Variants in ZDHHC14 observed in about 807,000 individuals in gnomAD.
ZDHHC14 encodes the protein zDHHC palmitoyltransferase 14.
In ZDHHC14, 16 loss-of-function variants were observed where a neutral mutation model predicts 47.7. That is an observed-to-expected ratio of 0.34 (90% CI 0.23 to 0.51). The LOEUF (loss-of-function observed/expected upper bound fraction) is 0.51. Among genes scored for constraint, ZDHHC14 ranks in the 20% least tolerant of loss-of-function variants. The pLI is 0.97. For synonymous variants in ZDHHC14, 293 were observed against 278.9 expected (o/e 1.05, Z -0.50); for missense variants, 515 against 662.5 (o/e 0.78, Z 2.44).
At chr6:157,392,644 GAT>G (rs1491172956) in intron 1 of ZDHHC14, among the ~76,000 whole-genome samples, 3 of 88,086 alleles carry the variant, frequency 3.4e-5, no homozygotes, top group African/African-American at 1.2e-4. Flanking sequence ...TTAAGAGAAA[GAT>G]GTGTGTGTGT....
At chr6:157,401,215 G>A (rs987594698) in intron 1 of ZDHHC14, among the ~76,000 whole-genome samples, 3 of 152,092 alleles carry the variant, frequency 2.0e-5, no homozygotes, top group East Asian at 1.9e-4. Flanking sequence ...AAATAGAAAC[G>A]TTGTTTCAAA....
chr6:157,412,095 T>C (rs2114759011), intron 1 of ZDHHC14, among the ~76,000 whole-genome samples: 1 of 151,382 alleles, frequency 6.6e-6, no homozygotes, highest in East Asian at 2.0e-4. Context: ...CCCACCACCA[T>C]GTCCAGCTAA....
chr6:157,656,607 A>T (rs1269972341), intron 8 of ZDHHC14, among the ~76,000 whole-genome samples: 1 of 150,924 alleles, frequency 6.6e-6, no homozygotes, highest in African/African-American at 2.4e-5. Flanking sequence ...AAGTGATAGG[A>T]TTACAGGCAT....
At chr6:157,430,143 C>T (rs996381651) in intron 1 of ZDHHC14, among the ~76,000 whole-genome samples, 4 of 151,858 alleles carry the variant, frequency 2.6e-5, no homozygotes, top group South Asian at 2.1e-4. Flanking sequence ...GGTGAAACCC[C>T]GTCTCTACTA....
intron 5 of ZDHHC14, among the ~76,000 whole-genome samples, chr6:157,636,852 G>C (rs1009965323): frequency 6.6e-6 from 1 of 152,190 alleles, no homozygotes; most frequent in Non-Finnish European, 1.5e-5. Flanking sequence ...GTGCTTTAAC[G>C]TGCAAAGTAC....
At chr6:157,417,952 T>G (rs1009095667) in intron 1 of ZDHHC14, among the ~76,000 whole-genome samples, 4 of 125,362 alleles carry the variant, frequency 3.2e-5, no homozygotes, top group African/African-American at 1.2e-4. Context: ...AGAGTCCATC[T>G]CAAAAAAAAA....
intron 8 of ZDHHC14, among the ~76,000 whole-genome samples, chr6:157,659,103 T>G (rs1339425742): frequency 6.6e-6 from 1 of 152,256 alleles, no homozygotes; most frequent in Non-Finnish European, 1.5e-5. Context: ...TTTTCTCATC[T>G]GTCAATATTG....
At position 157,535,639 on chromosome 6, in the gene ZDHHC14, C is replaced by T. The variant is rs181847252; in HGVS notation, c.246-6946C>T. 3.9e-5 allele frequency among the ~76,000 whole-genome samples: 6 copies of T among 152,288 alleles called. No homozygotes were observed. In the East Asian group the frequency reaches 9.6e-4, roughly 24 times the overall value. ...CCTTCATACAGGCATGCATAGACTC[C>T]TGGCTCTGTGCGTCTGGGGTAATTA... On this transcript the variant is annotated intron_variant, in intron 1 of 8. Coordinates refer to ENST00000359775, the MANE Select transcript of ZDHHC14 (RefSeq NM_024630.3).
At chr6:157,634,051 G>A (rs1776845818) in intron 5 of ZDHHC14, among the ~76,000 whole-genome samples, 1 of 152,292 alleles carries the variant, frequency 6.6e-6, no homozygotes, top group Middle Eastern at 3.4e-3. Flanking sequence ...TGGTATGTGT[G>A]TTTGAGCAGG....
chr6:157,535,317 G>C (rs1006961461), intron 1 of ZDHHC14, among the ~76,000 whole-genome samples: 4 of 152,166 alleles, frequency 2.6e-5, no homozygotes, highest in African/African-American at 2.4e-5. Context: ...AAGTCCTGTA[G>C]GGAAAAACCA....
chr6:157,547,198 G>T (rs1017338035), intron 2 of ZDHHC14, among the ~76,000 whole-genome samples: 2 of 152,228 alleles, frequency 1.3e-5, no homozygotes, highest in Non-Finnish European at 2.9e-5. Context: ...ACGTGTGTGT[G>T]TGTTCCTTCT....
chr6:157,397,872 G>A (rs1299397235), intron 1 of ZDHHC14, among the ~76,000 whole-genome samples: 1 of 152,136 alleles, frequency 6.6e-6, no homozygotes, highest in South Asian at 2.1e-4. Flanking sequence ...TGTCCATCAC[G>A]GTTAATGACA....
chr6:157,574,575 C>T (rs1234241477), intron 2 of ZDHHC14, among the ~76,000 whole-genome samples: 2 of 152,192 alleles, frequency 1.3e-5, no homozygotes, highest in Admixed American at 6.5e-5. Flanking sequence ...CCTCACCCAG[C>T]ACCACAGAAA....
chr6:157,677,850 T>TTAAA lies in ZDHHC14; in HGVS notation c.*4728_*4729insTAAA, dbSNP rs575524037. On this transcript the variant is annotated 3_prime_UTR_variant, in exon 9 of 9. Transcript: ENST00000359775. The stretch of plus-strand genomic sequence containing the variant: ...AATAGAGATGGTTTTAGCCTGCAAT[T>TTAAA]AAAAAAAAAAAAAAAAACGGTTGAA... The TTAAA allele has an allele frequency of 3.3e-5, 4 of 120,026 alleles. No homozygotes were observed. The highest frequency in any genetic ancestry group is 8.8e-5 in the African/African-American group (3 of 34,072). 7.4% of individuals were successfully genotyped at this position (120,026 alleles called of 1,614,324 possible).
At chr6:157,469,478 G>A (rs1462137748) in intron 1 of ZDHHC14, among the ~76,000 whole-genome samples, 3 of 152,198 alleles carry the variant, frequency 2.0e-5, no homozygotes, top group East Asian at 1.9e-4. Flanking sequence ...GTTGAAAGAC[G>A]TCAGGCAGGA....
intron 1 of ZDHHC14, among the ~76,000 whole-genome samples, chr6:157,436,412 A>C (rs560902478): frequency 1.3e-5 from 2 of 152,250 alleles, no homozygotes; most frequent in East Asian, 3.9e-4. Flanking sequence ...GGAGAGCATG[A>C]CTTTCCTGTA....
At chr6:157,385,383 A>G (rs757950135) in intron 1 of ZDHHC14, among the ~76,000 whole-genome samples, 4 of 152,262 alleles carry the variant, frequency 2.6e-5, no homozygotes, top group Non-Finnish European at 5.9e-5. Context: ...GCACCTGGCT[A>G]TCATGTCTAG....
chr6:157,382,304 C>T (rs765865113), intron 1 of ZDHHC14, 38 bp downstream of exon 1: 4 of 1,606,356 alleles, frequency 2.5e-6, no homozygotes, highest in Middle Eastern at 3.3e-4. Flanking sequence ...GCCGCACTCC[C>T]CTGGTCTCCC....
intron 2 of ZDHHC14, among the ~76,000 whole-genome samples, chr6:157,561,743 C>T (rs920906635): frequency 1.3e-5 from 2 of 152,136 alleles, no homozygotes; most frequent in Admixed American, 1.3e-4. Context: ...CTCACTTTAA[C>T]CTCCACCTCC....
Sources: gnomAD v4.1 joint callset for allele counts (sites outside exome capture counted in the v4.1 genomes callset) on GRCh38, gnomAD v4.1.1 for gene constraint, MANE v1.5 for transcripts, NCBI Gene and HGNC (gene_info 2026-07-23, HGNC 2026-07-21) for gene names.